CCDC141: variants seen among roughly 807,000 people sequenced by gnomAD.
The protein encoded by CCDC141 is coiled-coil domain-containing protein 141.
A neutral mutation model predicts 181.0 loss-of-function variants in CCDC141; 168 were observed. The ratio of observed to expected loss-of-function variants is 0.93; its 90% CI spans 0.82 to 1.05. The LOEUF (loss-of-function observed/expected upper bound fraction) is 1.05, where lower values mean the gene tolerates loss of function less well. Ranked by LOEUF, CCDC141 falls within the 50% of genes least tolerant of loss-of-function variation. The pLI, the probability that CCDC141 is intolerant of heterozygous loss-of-function variation, is 0.00. For synonymous variants in CCDC141, 666 were observed against 642.3 expected (o/e 1.04, Z -0.56); for missense variants, 1,902 against 1,788.5 (o/e 1.06, Z -1.14).
the CCDC141 span, among the ~76,000 whole-genome samples, chr2:178,821,972 G>A: frequency 6.6e-6 from 1 of 152,062 alleles, no homozygotes; most frequent in Non-Finnish European, 1.5e-5. Flanking sequence ...GTTTATTGTG[G>A]CACTATTCAC....
chr2:178,921,380 C>T (rs1040278704), intron 6 of CCDC141, among the ~76,000 whole-genome samples: 1 of 152,218 alleles, frequency 6.6e-6, no homozygotes, highest in Non-Finnish European at 1.5e-5. Flanking sequence ...TTCTGAGCAT[C>T]AGTTTTGGTT....
chr2:178,939,226 A>T (rs75205139), intron 6 of CCDC141, among the ~76,000 whole-genome samples: 7,111 of 152,274 alleles, frequency 0.047, 215 homozygotes, highest in South Asian at 0.079. Context: ...CCCCATACTG[A>T]AATTCTCAAT....
At chr2:179,047,945 T>TA (rs1356493684) in intron 1 of CCDC141, among the ~76,000 whole-genome samples, 1 of 152,182 alleles carries the variant, frequency 6.6e-6, no homozygotes, top group East Asian at 1.9e-4. Flanking sequence ...ATTTCAAAGG[T>TA]AAAATATGCT....
chr2:179,029,809 C>G (rs139023301), intron 2 of CCDC141, among the ~76,000 whole-genome samples: 1 of 152,078 alleles, frequency 6.6e-6, no homozygotes, highest in African/African-American at 2.4e-5. Flanking sequence ...CTTAACTAAC[C>G]CTTTTTGCAG....
intron 16 of CCDC141, among the ~76,000 whole-genome samples, chr2:178,866,696 G>T (rs895514691): frequency 7.0e-6 from 1 of 143,508 alleles, no homozygotes; most frequent in Non-Finnish European, 1.5e-5. Context: ...GTTTTGTTTT[G>T]TTGTTGTTGT....
chr2:178,860,370 TAAAAATAC>T (rs1685551175), intron 17 of CCDC141, among the ~76,000 whole-genome samples: 2 of 151,506 alleles, frequency 1.3e-5, no homozygotes, highest in African/African-American at 4.8e-5. Flanking sequence ...CCACCTCTAC[TAAAAATAC>T]AAAAATCAGC....
intron 2 of CCDC141, among the ~76,000 whole-genome samples, chr2:179,017,065 A>C (rs1339167160): frequency 4.6e-5 from 7 of 151,958 alleles, no homozygotes; most frequent in Non-Finnish European, 1.5e-5. Context: ...GGCAGATTTT[A>C]TTTTCATACA....
intron 7 of CCDC141, among the ~76,000 whole-genome samples, chr2:178,917,132 A>G (rs970039261): frequency 1.3e-5 from 2 of 152,170 alleles, no homozygotes; most frequent in Non-Finnish European, 2.9e-5. Flanking sequence ...CTTTATAGCA[A>G]TATGTTTGAT....
At chr2:178,991,696 C>T (rs1692063094) in intron 2 of CCDC141, among the ~76,000 whole-genome samples, 1 of 151,946 alleles carries the variant, frequency 6.6e-6, no homozygotes, top group South Asian at 2.1e-4. Context: ...GTCATCAACA[C>T]AAAGAAATCA....
Position 178,872,153 on chromosome 2 carries a change from A to G in CCDC141, c.2059T>C (p.Phe687Leu), listed in dbSNP as rs1325564248. 1 of 1,613,362 alleles carries G rather than the reference A, an allele frequency of 6.2e-7. No homozygotes were observed. Among genetic ancestry groups the G allele is most frequent in the Non-Finnish European group, 8.5e-7 (1 of 1,179,828 alleles). Residue 687 changes from phenylalanine to leucine, a missense_variant, in exon 13 of 24, where the codon TTC (phenylalanine) becomes CTC (leucine). Physicochemically the swap from Phe to Leu is conservative, Grantham distance 22. Transcript: ENST00000443758. Reference sequence around the variant, plus strand: ...CTCACCTTTTTAAGTTGCTCTTTGAATGCCGCCCACTGCTGTTTTCCAGGC... The same window carrying G: ...CTCACCTTTTTAAGTTGCTCTTTGAGTGCCGCCCACTGCTGTTTTCCAGGC... ...SKPGKQQWAAFKEQLKKTSHN... is the reference protein window; with the variant it reads ...SKPGKQQWAALKEQLKKTSHN...
intron 17 of CCDC141, among the ~76,000 whole-genome samples, chr2:178,864,215 A>G (rs973922698): frequency 6.6e-6 from 1 of 152,100 alleles, no homozygotes; most frequent in Non-Finnish European, 1.5e-5. Context: ...GGAGGAAGAG[A>G]AGGAGGGAAA....
At chr2:178,863,753 A>T (rs1685718864) in intron 17 of CCDC141, among the ~76,000 whole-genome samples, 1 of 152,234 alleles carries the variant, frequency 6.6e-6, no homozygotes, top group African/African-American at 2.4e-5. Flanking sequence ...TTAAATGTGA[A>T]ATTGTAAGTT....
chr2:178,877,959 C>A lies in CCDC141; in HGVS notation c.1899+5G>T. 1.2e-6 allele frequency: 2 copies of A among 1,609,966 alleles called. No homozygotes were observed. The highest frequency in any genetic ancestry group is 1.3e-5 in the African/African-American group (1 of 74,912). On this transcript the variant is annotated splice_donor_5th_base_variant and intron_variant, in intron 12 of 23. Transcript: ENST00000443758. ...AAGGTGTGATCCATTTAATGCCATT[C>A]TTACCATATTTATTAAATTAAGGAA...
intron 11 of CCDC141, among the ~76,000 whole-genome samples, chr2:178,883,378 A>G (rs751022939): frequency 1.3e-5 from 2 of 152,206 alleles, no homozygotes; most frequent in African/African-American, 4.8e-5. Context: ...GCATCAAATC[A>G]TCTCATAAAT....
the CCDC141 span, among the ~76,000 whole-genome samples, chr2:178,822,956 T>C: frequency 6.6e-6 from 1 of 152,188 alleles, no homozygotes; most frequent in Non-Finnish European, 1.5e-5. Flanking sequence ...TGGAGTCTGT[T>C]TGAGCCAACC....
intron 21 of CCDC141, among the ~76,000 whole-genome samples, chr2:178,847,338 T>A (rs750154919): frequency 6.6e-6 from 1 of 152,136 alleles, no homozygotes; most frequent in Admixed American, 6.6e-5. Context: ...GAGACCAGCT[T>A]GGGCAACATA....
At chr2:178,857,517 C>T (rs939023509) in intron 17 of CCDC141, among the ~76,000 whole-genome samples, 4 of 151,710 alleles carry the variant, frequency 2.6e-5, no homozygotes, top group Admixed American at 1.3e-4. Flanking sequence ...TAGATTTTGA[C>T]AGTCTTAACA....
At chr2:178,976,013 T>C (rs924394938) in intron 3 of CCDC141, among the ~76,000 whole-genome samples, 1 of 152,168 alleles carries the variant, frequency 6.6e-6, no homozygotes, top group Non-Finnish European at 1.5e-5. Flanking sequence ...GGAATATAAC[T>C]GGTCTGTCTT....
chr2:178,923,406 A>G (rs1688791133), intron 6 of CCDC141, among the ~76,000 whole-genome samples: 1 of 152,096 alleles, frequency 6.6e-6, no homozygotes, highest in Non-Finnish European at 1.5e-5. Flanking sequence ...GCCCGGCCCC[A>G]CCAGTTTATT....
Sources: gnomAD v4.1 joint callset for allele counts (sites outside exome capture counted in the v4.1 genomes callset) on GRCh38, gnomAD v4.1.1 for gene constraint, MANE v1.5 for transcripts, NCBI Gene and HGNC (gene_info 2026-07-23, HGNC 2026-07-21) for gene names.